Variants in GCC2 observed in about 807,000 individuals in gnomAD.
GCC2 encodes the protein GRIP and coiled-coil domain-containing protein 2.
Under a neutral mutation model 210.6 loss-of-function variants are expected in GCC2, and 120 were observed. That is an observed-to-expected ratio of 0.57 (90% CI 0.49 to 0.66). The LOEUF (loss-of-function observed/expected upper bound fraction) is 0.66, where lower values mean the gene tolerates loss of function less well. GCC2 is among the 30% of genes least tolerant of loss of function. The pLI, the probability that GCC2 is intolerant of heterozygous loss-of-function variation, is 0.00. For missense variants in GCC2, 1,868 were observed against 1,871.9 expected, an observed-to-expected ratio of 1.00 and a Z score of 0.04; for synonymous variants, 703 against 652.7, an observed-to-expected ratio of 1.08 and a Z score of -1.17.
Position 108,472,905 on chromosome 2 carries a change from T to C in GCC2, c.2860+6T>C. On this transcript the variant is annotated splice_donor_region_variant and intron_variant, in intron 7 of 22. Coordinates refer to ENST00000309863, the MANE Select transcript of GCC2 (RefSeq NM_181453.4). ...AGAGTTGGAAGAAAAAATAGGTAAC[T>C]ATGGTTTTGCAGATGTTGTCACAAT... The C allele has an allele frequency of 6.6e-7, 1 of 1,510,084 alleles. No individual in the cohort carries two copies. Among genetic ancestry groups the C allele is most frequent in the Non-Finnish European group, 9.1e-7 (1 of 1,095,574 alleles). 93.5% of individuals were successfully genotyped at this position (1,510,084 alleles called of 1,614,324 possible).
intron 17 of GCC2, among the ~76,000 whole-genome samples, chr2:108,488,896 C>G (rs1287657537): frequency 2.6e-5 from 4 of 152,004 alleles, no homozygotes; most frequent in African/African-American, 9.7e-5. Flanking sequence ...TTTCCAGTAG[C>G]TCATTATATA....
chr2:108,477,665 T>C (rs1681612881), intron 9 of GCC2, among the ~76,000 whole-genome samples: 1 of 152,348 alleles, frequency 6.6e-6, no homozygotes, highest in East Asian at 1.9e-4. Context: ...TTAAAAAATT[T>C]TGTGAAAAAT....
At chr2:108,501,997 CAT>C (rs1296093749) in intron 22 of GCC2, among the ~76,000 whole-genome samples, 6 of 152,118 alleles carry the variant, frequency 3.9e-5, no homozygotes, top group Non-Finnish European at 8.8e-5. Flanking sequence ...AAGAATACAT[CAT>C]GTGTATTTTT....
chr2:108,470,198 A>T lies in GCC2; in HGVS notation c.869A>T (p.Asn290Ile). 9 of 1,613,306 alleles carry T rather than the reference A, an allele frequency of 5.6e-6. No homozygotes were observed. Among genetic ancestry groups the T allele is most frequent in the Non-Finnish European group, 7.6e-6 (9 of 1,179,768 alleles). The change falls in exon 6 of 23, where the codon AAC becomes ATC. Residue 290 changes from asparagine (N) to isoleucine (I), a missense_variant. This residue lies in a region of GCC2 where 1,847 missense variants were observed against 1,765.2 expected (regional missense o/e 1.05). Coordinates refer to ENST00000309863, the MANE Select transcript of GCC2 (RefSeq NM_181453.4). Reference protein sequence around the residue: ...LVKQCEASEKNIQKKYECELE... With the variant: ...LVKQCEASEKIIQKKYECELE... ...AAACAATGTGAGGCAAGTGAAAAGAACATCCAGAAGAAATATGAATGTGAG... is the reference window on the plus strand; with the variant it reads ...AAACAATGTGAGGCAAGTGAAAAGATCATCCAGAAGAAATATGAATGTGAG...
In GCC2 at chr2:108,484,111, C is replaced by G. The variant is rs753086231; in HGVS notation, c.3451-38C>G. The G allele has an allele frequency of 5.6e-6, 8 of 1,417,626 alleles. 1 individual carries two copies. The South Asian group carries it at 9.3e-5, about 16-fold the overall frequency. The allele number at this position is 1,417,626 out of a possible 1,614,324, so 87.8% of individuals were successfully genotyped here. A position where few individuals can be genotyped will look rare whatever the true frequency, so the allele number is the denominator to read the frequency against. On this transcript the variant is annotated intron_variant, in intron 12 of 22. Coordinates refer to ENST00000309863, the MANE Select transcript of GCC2 (RefSeq NM_181453.4). ...AAAAAAAATTTACAAATGAACTGATCTACTATTGTGTAAATCTTTTACTTA... is the reference window on the plus strand; with the variant it reads ...AAAAAAAATTTACAAATGAACTGATGTACTATTGTGTAAATCTTTTACTTA...
chr2:108,471,112 G>A lies in GCC2; in HGVS notation c.1783G>A (p.Glu595Lys), dbSNP rs1010141859. The change falls in exon 6 of 23, where the codon GAA becomes AAA. Residue 595 changes from glutamate to lysine, a missense_variant. Glu to Lys is a moderately conservative substitution (Grantham distance 56). Around this residue, in one of 3 missense-constraint regions of GCC2, gnomAD observed 1,847 missense variants for 1,765.2 expected, o/e 1.05. Coordinates refer to ENST00000309863, the MANE Select transcript of GCC2 (RefSeq NM_181453.4). ...AGGAAAGATAAATTCTCTTACTGAG[G>A]AAAAAGATGATTTTATAAATAAACT... ...LEGKINSLTE[E>K]KDDFINKLKN... The A allele has an allele frequency of 6.3e-7, 1 of 1,585,420 alleles. No individual in the cohort carries two copies. The highest frequency in any genetic ancestry group is 1.4e-5 in the African/African-American group (1 of 73,916).
Position 108,470,842 on chromosome 2 carries a change from T to G in GCC2, c.1513T>G (p.Phe505Val), listed in dbSNP as rs761066885. Reference protein sequence around the residue: ...GESAGKISQEFESMKQQQASD... With the variant: ...GESAGKISQEVESMKQQQASD... ...ATCTGCTGGAAAAATAAGTCAAGAG[T>G]TCGAATCAATGAAGCAACAGCAAGC... is the stretch of plus-strand genomic sequence containing the variant. Residue 505 changes from phenylalanine to valine, a missense_variant, in exon 6 of 23, where the codon TTC (phenylalanine) becomes GTC (valine). Coordinates refer to ENST00000309863, the MANE Select transcript of GCC2 (RefSeq NM_181453.4). 6 of 1,613,300 alleles carry G rather than the reference T, an allele frequency of 3.7e-6. No individual in the cohort carries two copies. The highest frequency in any genetic ancestry group is 4.2e-6 in the Non-Finnish European group (5 of 1,179,714).
intron 4 of GCC2, among the ~76,000 whole-genome samples, chr2:108,463,318 T>C (rs1053674585): frequency 6.6e-6 from 1 of 152,242 alleles, no homozygotes; most frequent in Non-Finnish European, 1.5e-5. Context: ...TCTGGTATAA[T>C]AGTCACTTTT....
chr2:108,497,400 G>A (rs751162558), intron 21 of GCC2, among the ~76,000 whole-genome samples: 1 of 152,206 alleles, frequency 6.6e-6, no homozygotes, highest in South Asian at 2.1e-4. Flanking sequence ...ACAGGCATGA[G>A]CCACTGCATC....
chr2:108,501,824 C>T (rs180790871), intron 22 of GCC2, among the ~76,000 whole-genome samples: 2 of 152,228 alleles, frequency 1.3e-5, no homozygotes, highest in African/African-American at 4.8e-5. Flanking sequence ...TTTTTACAGA[C>T]ATACTTCATA....
At position 108,485,777 on chromosome 2, in the gene GCC2, AATTT is replaced by A. The variant is rs755237278; in HGVS notation, c.3715-47_3715-44del. On this transcript the variant is annotated intron_variant, in intron 14 of 22. Transcript: ENST00000309863. ...AGTTTCATATTTAGTACTTATTCAT[AATTT>A]ATTTATGAGTAACATTAAAAAAAAT... 85 of 1,453,260 alleles carry A rather than the reference AATTT, an allele frequency of 5.8e-5. No individual in the cohort carries two copies. The East Asian group carries it at 6.2e-4, about 11-fold the overall frequency. 90.0% of individuals were successfully genotyped at this position (1,453,260 alleles called of 1,614,324 possible).
In GCC2 at chr2:108,503,224, A is replaced by C. The variant is rs867746676; in HGVS notation, c.4984+3470A>C. ...CATAAGAGTAAAACTGCCCCTAAAA[A>C]AGACAGAGAGAAATCTCAAAAGCAG... On this transcript the variant is annotated intron_variant, in intron 22 of 22. Transcript: ENST00000309863. 1.4e-4 allele frequency among the ~76,000 whole-genome samples: 22 copies of C among 152,126 alleles called. No homozygotes were observed. The South Asian group carries it at 4.4e-3, about 30-fold the overall frequency.
intron 17 of GCC2, among the ~76,000 whole-genome samples, chr2:108,489,009 T>G (rs1411656382): frequency 6.6e-6 from 1 of 152,238 alleles, no homozygotes; most frequent in East Asian, 1.9e-4. Flanking sequence ...TACATGAATG[T>G]AAATGTTTTG....
intron 22 of GCC2, among the ~76,000 whole-genome samples, chr2:108,504,896 T>C (rs1185104288): frequency 6.6e-6 from 1 of 151,914 alleles, no homozygotes; most frequent in Non-Finnish European, 1.5e-5. Context: ...AGCAACCCAA[T>C]AGGAAAATAG....
rs1681230402 is a variant in GCC2, at chr2:108,471,693, A to T, written c.2364A>T (p.Glu788Asp). 6.2e-7 allele frequency: 1 copy of T among 1,613,622 alleles called. No homozygotes were observed. Among genetic ancestry groups the T allele is most frequent in the South Asian group, 1.1e-5 (1 of 91,038 alleles). The change falls in exon 6 of 23, where the codon GAA (glutamate) becomes GAT (aspartate). Residue 788 changes from glutamate (E) to aspartate (D), a missense_variant. This residue lies in a region of GCC2 where 1,847 missense variants were observed against 1,765.2 expected (regional missense o/e 1.05). Transcript: ENST00000309863. The stretch of plus-strand genomic sequence containing the variant: ...TTAATGTCCTACAGGCAGTCGGTGA[A>T]TCCTTGGCAAAAATAAATGAGGAAA... ...DVVNVLQAVG[E>D]SLAKINEEKC... is the part of the protein sequence containing the mutation.
chr2:108,505,988 A>T (rs1212366158), intron 22 of GCC2, among the ~76,000 whole-genome samples: 3 of 152,260 alleles, frequency 2.0e-5, no homozygotes, highest in South Asian at 2.1e-4. Context: ...AAACACAGAA[A>T]GGTGTCTGGA....
intron 9 of GCC2, among the ~76,000 whole-genome samples, chr2:108,480,839 A>G (rs1482689065): frequency 1.3e-5 from 2 of 149,018 alleles, no homozygotes; most frequent in Non-Finnish European, 3.0e-5. Flanking sequence ...TAATCTGTAC[A>G]ACAAACCCCT....
chr2:108,489,576 G>A (rs1682308125), intron 17 of GCC2, among the ~76,000 whole-genome samples: 1 of 151,742 alleles, frequency 6.6e-6, no homozygotes, highest in South Asian at 2.1e-4. Flanking sequence ...AACATAAATA[G>A]GCTATTTTGA....
At chr2:108,475,715 AC>A (rs2104462436) in intron 8 of GCC2, 36 bp from the exon 9 acceptor site, 4 of 1,512,638 alleles carry the variant, frequency 2.6e-6, no homozygotes, top group Non-Finnish European at 3.6e-6. Context: ...TTAAAAAAAA[AC>A]AAAAACCTCT....
Sources: allele counts gnomAD v4.1 joint callset (sites outside exome capture counted in the v4.1 genomes callset), GRCh38; gene constraint gnomAD v4.1.1; regional missense constraint gnomAD v4.1.1; transcripts MANE v1.5; gene names NCBI Gene and HGNC (gene_info 2026-07-23, HGNC 2026-07-21).